GRID2: variants seen among roughly 807,000 people sequenced by gnomAD.
GRID2 encodes glutamate receptor ionotropic, delta-2.
GRID2 carries 33 observed loss-of-function variants against 114.8 expected under a neutral mutation model. The observed-to-expected ratio is 0.29, with a 90% CI of 0.22 to 0.38. The LOEUF is 0.38. GRID2 is among the 10% of genes least tolerant of loss of function. The pLI is 1.00. For synonymous variants in GRID2, 505 were observed against 449.9 expected (o/e 1.12, Z -1.55); for missense variants, 1,184 against 1,257.7 (o/e 0.94, Z 0.89).
At chr4:93,110,231 G>C (rs535948196) in intron 3 of GRID2, among the ~76,000 whole-genome samples, 4 of 152,152 alleles carry the variant, frequency 2.6e-5, no homozygotes, top group South Asian at 2.1e-4. Flanking sequence ...GTTACCTGAG[G>C]CCCTTTGAAG....
intron 2 of GRID2, among the ~76,000 whole-genome samples, chr4:93,064,144 C>T (rs1481917932): frequency 6.7e-6 from 1 of 149,452 alleles, no homozygotes; most frequent in Non-Finnish European, 1.5e-5. Context: ...TATATAATAA[C>T]ATAATATTAA....
At chr4:92,375,355 A>G (rs1729305250) in intron 1 of GRID2, among the ~76,000 whole-genome samples, 2 of 152,096 alleles carry the variant, frequency 1.3e-5, no homozygotes, top group Non-Finnish European at 2.9e-5. Context: ...TAGCCCTTGT[A>G]ATTTGTTTGT....
intron 1 of GRID2, among the ~76,000 whole-genome samples, chr4:92,535,423 G>A (rs568298588): frequency 1.3e-5 from 2 of 152,108 alleles, no homozygotes; most frequent in African/African-American, 2.4e-5. Context: ...CTTTATTACT[G>A]ATTTTATAAT....
Position 93,189,463 on chromosome 4 carries a change from G to C in GRID2, c.736-17941G>C, listed in dbSNP as rs531236621. 1.2e-4 allele frequency among the ~76,000 whole-genome samples: 18 copies of C among 152,082 alleles called. No individual in the cohort carries two copies. The East Asian group carries it at 3.5e-3, about 29-fold the overall frequency. ...TCACATGACCTAATCACTTCCCAAA[G>C]GGCCCATCTTCTAATACCAGCACCT... On this transcript the variant is annotated intron_variant, in intron 4 of 15. Coordinates refer to ENST00000282020, the MANE Select transcript of GRID2 (RefSeq NM_001510.4).
chr4:93,238,033 G>A (rs1747007292), intron 7 of GRID2, among the ~76,000 whole-genome samples: 1 of 151,712 alleles, frequency 6.6e-6, no homozygotes, highest in African/African-American at 2.4e-5. Context: ...TTTCAAGATG[G>A]ATCCATTCAA....
At chr4:93,060,910 C>T (rs886930239) in intron 2 of GRID2, among the ~76,000 whole-genome samples, 2 of 152,038 alleles carry the variant, frequency 1.3e-5, no homozygotes, top group African/African-American at 4.8e-5. Flanking sequence ...CGAGACCAGA[C>T]TGGCCAAAAT....
At chr4:93,111,917 T>C (rs1005545245) in intron 4 of GRID2, 30 of 152,196 alleles carry the variant, frequency 2.0e-4, no homozygotes, top group African/African-American at 7.2e-4. Flanking sequence ...AGGGTAAAAC[T>C]TGTGGAAAAC....
intron 13 of GRID2, among the ~76,000 whole-genome samples, chr4:93,608,345 T>C (rs1740537831): frequency 7.0e-6 from 1 of 142,762 alleles, no homozygotes; most frequent in Non-Finnish European, 1.5e-5. Flanking sequence ...AGTTTTAGGG[T>C]ACATGTGCAC....
At chr4:92,411,899 G>T (rs1048676592) in intron 1 of GRID2, among the ~76,000 whole-genome samples, 5 of 151,494 alleles carry the variant, frequency 3.3e-5, no homozygotes, top group Non-Finnish European at 5.9e-5. Context: ...TAGATACGGG[G>T]TTTCACTGTG....
At chr4:93,727,586 G>C (rs1332788152) in intron 14 of GRID2, among the ~76,000 whole-genome samples, 1 of 152,144 alleles carries the variant, frequency 6.6e-6, no homozygotes, top group African/African-American at 2.4e-5. Context: ...TGTACTTCTG[G>C]TAGAATTCGG....
intron 2 of GRID2, among the ~76,000 whole-genome samples, chr4:92,988,822 G>GTTAT (rs1578685546): frequency 1.3e-5 from 2 of 152,254 alleles, no homozygotes; most frequent in East Asian, 3.9e-4. Context: ...CATGTGGTGT[G>GTTAT]TTATTCACTC....
chr4:92,984,695 A>C (rs940625666), intron 2 of GRID2, among the ~76,000 whole-genome samples: 3 of 151,938 alleles, frequency 2.0e-5, no homozygotes, highest in Non-Finnish European at 4.4e-5. Context: ...ATTTCACCAG[A>C]TGTCCTTTTC....
At chr4:93,298,886 C>T (rs888409200) in intron 8 of GRID2, among the ~76,000 whole-genome samples, 5 of 152,156 alleles carry the variant, frequency 3.3e-5, no homozygotes, top group African/African-American at 4.8e-5. Context: ...ATCATTTTAT[C>T]TTCAGAAGCT....
chr4:93,562,178 G>A (rs1447354646), intron 13 of GRID2, among the ~76,000 whole-genome samples: 1 of 148,392 alleles, frequency 6.7e-6, no homozygotes, highest in Non-Finnish European at 1.5e-5. Context: ...ATTCTCATCA[G>A]CATTTGGTTT....
At chr4:93,025,950 C>T (rs1723845978) in intron 2 of GRID2, among the ~76,000 whole-genome samples, 1 of 151,680 alleles carries the variant, frequency 6.6e-6, no homozygotes, top group African/African-American at 2.4e-5. Context: ...AATATCTAGA[C>T]ATCAATCCTA....
intron 3 of GRID2, among the ~76,000 whole-genome samples, chr4:93,092,741 A>G (rs111789101): frequency 2.7e-4 from 41 of 152,034 alleles, no homozygotes; most frequent in African/African-American, 8.2e-4. Flanking sequence ...AAAGAGTGGT[A>G]TCTTTAATGT....
At chr4:93,467,683 G>A (rs2149429779) in intron 11 of GRID2, among the ~76,000 whole-genome samples, 1 of 152,282 alleles carries the variant, frequency 6.6e-6, no homozygotes, top group African/African-American at 2.4e-5. Flanking sequence ...CACCACCCAA[G>A]GAGTGCTATA....
chr4:92,443,941 C>T (rs542419271), intron 1 of GRID2, among the ~76,000 whole-genome samples: 1 of 152,174 alleles, frequency 6.6e-6, no homozygotes, highest in South Asian at 2.1e-4. Flanking sequence ...TTGTCTCTCC[C>T]AGAAAATGGA....
chr4:93,681,710 GA>G (rs1410803089), intron 14 of GRID2, among the ~76,000 whole-genome samples: 3 of 152,166 alleles, frequency 2.0e-5, no homozygotes, highest in Non-Finnish European at 2.9e-5. Context: ...GTGGTGCTGG[GA>G]AAACTGGCTA....
Sources: gnomAD v4.1 joint callset for allele counts (sites outside exome capture counted in the v4.1 genomes callset) on GRCh38, gnomAD v4.1.1 for gene constraint, MANE v1.5 for transcripts, NCBI Gene and HGNC (gene_info 2026-07-23, HGNC 2026-07-21) for gene names.